The following C20orf203 variants were observed in gnomAD, a reference collection of about 807,000 sequenced individuals.
C20orf203 encodes chromosome 20 open reading frame 203, also known as uncharacterized protein C20orf203.
In C20orf203, 16 loss-of-function variants were observed where a neutral mutation model predicts 15.9. That is an observed-to-expected ratio of 1.01 (90% CI 0.68 to 1.53). The LOEUF (loss-of-function observed/expected upper bound fraction) is 1.53. Among genes scored for constraint, C20orf203 ranks in the 40% most tolerant of loss-of-function variants. The probability of loss-of-function intolerance (pLI) is 0.00; values close to 1 mark genes in which losing one functional copy is unlikely to be tolerated. For missense variants in C20orf203, 263 were observed against 247.5 expected (o/e 1.06, Z -0.42); for synonymous variants, 98 against 97.2 (o/e 1.01, Z -0.05).
intron 4 of C20orf203, among the ~76,000 whole-genome samples, chr20:32,643,084 C>T (rs1982328267): frequency 6.6e-6 from 1 of 152,138 alleles, no homozygotes. Context: ...CCAGCCGCCG[C>T]ATGAAGGTGC....
chr20:32,648,619 TGTGTG>T (rs796183063), intron 4 of C20orf203, among the ~76,000 whole-genome samples: 13,558 of 137,542 alleles, frequency 0.099, 974 homozygotes, highest in South Asian at 0.25. Flanking sequence ...TTTTTTTTTT[TGTGTG>T]TGTGTTTTTA....
intron 1 of C20orf203, among the ~76,000 whole-genome samples, chr20:32,666,155 T>TAAAAAAAAAAAAAAAAAAAAAGA (rs1983016576): frequency 6.3e-4 from 65 of 102,756 alleles, no homozygotes; most frequent in Non-Finnish European, 7.5e-4. Flanking sequence ...ATAAATAAAG[T>TAAAAAAAAAAAAAAAAAAAAAGA]AAAAAAAAAA....
intron 1 of C20orf203, among the ~76,000 whole-genome samples, chr20:32,668,518 C>T (rs924462060): frequency 5.3e-5 from 8 of 151,564 alleles, no homozygotes; most frequent in Non-Finnish European, 8.8e-5. Context: ...CCCAGCTACT[C>T]GGGAGGGTGA....
At chr20:32,662,453 T>C (rs372535833) in intron 1 of C20orf203, among the ~76,000 whole-genome samples, 193 of 151,848 alleles carry the variant, frequency 1.3e-3, no homozygotes, top group African/African-American at 4.5e-3. Flanking sequence ...AATACAAAAT[T>C]AGCTGGACAT....
intron 1 of C20orf203, among the ~76,000 whole-genome samples, chr20:32,655,449 A>G (rs1600935869): frequency 6.6e-6 from 1 of 152,126 alleles, no homozygotes; most frequent in Non-Finnish European, 1.5e-5. Flanking sequence ...TCTAACCAGC[A>G]TATATAAAGA....
At chr20:32,635,579 G>A (rs1239039623) in intron 5 of C20orf203, among the ~76,000 whole-genome samples, 1 of 152,140 alleles carries the variant, frequency 6.6e-6, no homozygotes. Context: ...ACTTTGGGAG[G>A]CTGAGGTGGG....
In C20orf203 at chr20:32,648,428, C is replaced by CTTTTTTTTTTTT. The variant is rs56838832; in HGVS notation, c.*1177+815_*1177+826dup. Among the ~76,000 whole-genome samples the CTTTTTTTTTTTT allele has an allele frequency of 5.0e-5, 4 of 80,392 alleles. 1 individual carries two copies. Among genetic ancestry groups the CTTTTTTTTTTTT allele is most frequent in the African/African-American group, 2.0e-4 (4 of 20,216 alleles). 52.7% of individuals were successfully genotyped at this position (80,392 alleles called of 152,430 possible). A position where few individuals can be genotyped will look rare whatever the true frequency, so the allele number is the denominator to read the frequency against. ...GGCACTAACCATTGCCTGAAACTGT[C>CTTTTTTTTTTTT]TTTTTTTTTTTTTTTTTTTTTTTTT... On this transcript the variant is annotated intron_variant, in intron 4 of 5. Coordinates refer to ENST00000608990, the MANE Select transcript of C20orf203 (RefSeq NM_182584.4).
chr20:32,663,094 GC>G (rs1982932982), intron 1 of C20orf203, among the ~76,000 whole-genome samples: 1 of 151,588 alleles, frequency 6.6e-6, no homozygotes, highest in African/African-American at 2.4e-5. Flanking sequence ...GATTATAGGC[GC>G]CCACCACCAT....
chr20:32,642,781 A>G (rs1286535256), intron 4 of C20orf203, among the ~76,000 whole-genome samples: 1 of 152,162 alleles, frequency 6.6e-6, no homozygotes, highest in Non-Finnish European at 1.5e-5. Context: ...TTGAACACCC[A>G]GCTCTGGATT....
In C20orf203 at chr20:32,672,396, T is replaced by TATAC. The variant is rs201516797; in HGVS notation, c.-264+1232_-264+1235dup. 7.5e-3 allele frequency among the ~76,000 whole-genome samples: 1,135 copies of TATAC among 151,802 alleles called. 6 individuals are homozygous for TATAC. The highest frequency in any genetic ancestry group is 0.019 in the African/African-American group (779 of 41,400). ...CACATAAAATATATTACATATATAT[T>TATAC]ATACATACATACATACATACATATG... On this transcript the variant is annotated intron_variant, in intron 1 of 5. Transcript: ENST00000608990.
intron 5 of C20orf203, among the ~76,000 whole-genome samples, chr20:32,635,293 T>C (rs977564621): frequency 1.4e-5 from 2 of 140,752 alleles, no homozygotes; most frequent in African/African-American, 5.4e-5. Context: ...AGGTCAGGAG[T>C]TCAAGAGCAG....
chr20:32,664,965 G>T (rs1332145811), intron 1 of C20orf203, among the ~76,000 whole-genome samples: 1 of 152,228 alleles, frequency 6.6e-6, no homozygotes, highest in Non-Finnish European at 1.5e-5. Context: ...ACAGACTCCG[G>T]AGCTGCCCCA....
Position 32,650,141 on chromosome 20 carries a change from G to A in C20orf203, c.*291C>T, listed in dbSNP as rs958983924. On this transcript the variant is annotated 3_prime_UTR_variant, in exon 4 of 6. Coordinates refer to ENST00000608990, the MANE Select transcript of C20orf203 (RefSeq NM_182584.4). Reference sequence around the variant, plus strand: ...TGTGCCAGCGCCTCCCAAGGGAGAAGCCATTCTCCAGCAGCTGGACAGGAC... The same window carrying A: ...TGTGCCAGCGCCTCCCAAGGGAGAAACCATTCTCCAGCAGCTGGACAGGAC... 1.3e-5 allele frequency: 5 copies of A among 388,646 alleles called. No homozygotes were observed. Among genetic ancestry groups the A allele is most frequent in the Non-Finnish European group, 2.4e-5 (5 of 212,738 alleles). 24.1% of individuals were successfully genotyped at this position (388,646 alleles called of 1,614,324 possible).
At chr20:32,661,185 C>T (rs1433829251) in intron 1 of C20orf203, among the ~76,000 whole-genome samples, 4 of 152,170 alleles carry the variant, frequency 2.6e-5, no homozygotes, top group Non-Finnish European at 5.9e-5. Context: ...ACTTAGTCAT[C>T]GGCCCACCTG....
chr20:32,644,108 G>A (rs757900790), intron 4 of C20orf203, among the ~76,000 whole-genome samples: 1 of 152,192 alleles, frequency 6.6e-6, no homozygotes, highest in Non-Finnish European at 1.5e-5. Flanking sequence ...AGAATACCCA[G>A]AAGGTTGTCA....
At chr20:32,657,970 T>TA (rs112570622) in intron 1 of C20orf203, 4,615 of 127,818 alleles carry the variant, frequency 0.036, 215 homozygotes, top group African/African-American at 0.12. Context: ...CCCCCAAACC[T>TA]AAAAAAAAAA....
intron 4 of C20orf203, among the ~76,000 whole-genome samples, chr20:32,644,566 C>T (rs938334752): frequency 6.6e-6 from 1 of 152,150 alleles, no homozygotes; most frequent in East Asian, 1.9e-4. Context: ...GATCAGGAGT[C>T]CCCTGGGGGC....
At chr20:32,658,404 G>A (rs1258853161) in intron 1 of C20orf203, among the ~76,000 whole-genome samples, 1 of 151,836 alleles carries the variant, frequency 6.6e-6, no homozygotes, top group African/African-American at 2.4e-5. Flanking sequence ...CTGGGCTCAA[G>A]GAATCCTCTC....
At chr20:32,642,599 T>C (rs1982315631) in intron 4 of C20orf203, among the ~76,000 whole-genome samples, 1 of 152,174 alleles carries the variant, frequency 6.6e-6, no homozygotes, top group Admixed American at 6.5e-5. Flanking sequence ...TTGGCCTGTC[T>C]GAGGCTGGGA....
Sources: allele counts gnomAD v4.1 joint callset (sites outside exome capture counted in the v4.1 genomes callset), GRCh38; gene constraint gnomAD v4.1.1; transcripts MANE v1.5; gene names NCBI Gene and HGNC (gene_info 2026-07-23, HGNC 2026-07-21).